ZNF43: variants seen among roughly 807,000 people sequenced by gnomAD.
The protein encoded by ZNF43 is zinc finger protein 39-like 1 (KOX 27).
ZNF43 carries 44 observed loss-of-function variants against 68.4 expected under a neutral mutation model. The observed-to-expected ratio is 0.64, with a 90% CI of 0.51 to 0.83. The LOEUF (loss-of-function observed/expected upper bound fraction) is 0.83, where lower values mean the gene tolerates loss of function less well. ZNF43 is among the 40% of genes least tolerant of loss of function. The pLI, the probability that ZNF43 is intolerant of heterozygous loss-of-function variation, is 0.00. For synonymous variants in ZNF43, 308 were observed against 307.8 expected, an observed-to-expected ratio of 1.00 and a Z score of -0.01; for missense variants, 896 against 933.2, an observed-to-expected ratio of 0.96 and a Z score of 0.52.
In ZNF43 at chr19:21,808,475, C is replaced by T; in HGVS notation, c.1562G>A (p.Trp521Ter). The change falls in exon 4 of 4, where the codon TGG becomes TAG. Residue 521 changes from tryptophan to a stop codon, truncating the protein, a stop_gained. Transcript: ENST00000354959. LOFTEE classifies it high-confidence loss of function. ...KCEECGKAFK[W>*]SSKLTEHKIT... ...CTTATGTTCAGTAAGCTTTGAGGAC[C>T]ACTTAAAAGCTTTGCCACATTCTTC... 6.2e-7 allele frequency: 1 copy of T among 1,603,886 alleles called. No individual in the cohort carries two copies. The highest frequency in any genetic ancestry group is 8.5e-7 in the Non-Finnish European group (1 of 1,177,262).
chr19:21,846,190 A>G (rs895441588), intron 1 of ZNF43, among the ~76,000 whole-genome samples: 2 of 152,164 alleles, frequency 1.3e-5, no homozygotes, highest in African/African-American at 4.8e-5. Flanking sequence ...CACAATCACT[A>G]CAGTGGGCAG....
In ZNF43 at chr19:21,809,577, C is replaced by T; in HGVS notation, c.460G>A (p.Ala154Thr). The T allele has an allele frequency of 6.2e-7, 1 of 1,611,688 alleles. No homozygotes were observed. Among genetic ancestry groups the T allele is most frequent in the South Asian group, 1.1e-5 (1 of 90,800 alleles). ...TTTGAATTTGAAAATTTATGAAAGG[C>T]TTTCACACATTTATCAAATAGAAAT... ...KIFLFDKCVK[A>T]FHKFSNSNRH... is the part of the protein sequence containing the mutation. The change falls in exon 4 of 4, where the codon GCC becomes ACC. Residue 154 changes from alanine (A) to threonine (T), a missense_variant. Coordinates refer to ENST00000354959, the MANE Select transcript of ZNF43 (RefSeq NM_003423.4).
intron 1 of ZNF43, among the ~76,000 whole-genome samples, chr19:21,828,877 C>CA (rs1429784398): frequency 6.6e-6 from 1 of 150,968 alleles, no homozygotes; most frequent in Admixed American, 6.6e-5. Context: ...ACTAAAAATA[C>CA]AAAAAAATAG....
At chr19:21,844,347 CAAAA>C (rs57500822) in intron 1 of ZNF43, among the ~76,000 whole-genome samples, 161 of 43,138 alleles carry the variant, frequency 3.7e-3, no homozygotes, top group African/African-American at 9.1e-3. Flanking sequence ...GACTCTGTCT[CAAAA>C]AAAAAAAAAA....
chr19:21,814,953 C>T (rs897684380), intron 3 of ZNF43, among the ~76,000 whole-genome samples: 5 of 151,456 alleles, frequency 3.3e-5, no homozygotes, highest in African/African-American at 9.7e-5. Context: ...TTTGGGAGGC[C>T]GAGGCAGGCG....
Position 21,836,119 on chromosome 19 carries a change from C to T in ZNF43, c.-81G>A. The T allele has an allele frequency of 6.2e-7, 1 of 1,608,696 alleles. No homozygotes were observed. The highest frequency in any genetic ancestry group is 8.5e-7 in the Non-Finnish European group (1 of 1,176,758). On this transcript the variant is annotated 5_prime_UTR_variant, in exon 1 of 4. Transcript: ENST00000354959. ...GGTCACAGAGCCACAGAGGCTGGACCTCTAGCAGCAGAGGACACAGAAGAA... is the reference window on the plus strand; with the variant it reads ...GGTCACAGAGCCACAGAGGCTGGACTTCTAGCAGCAGAGGACACAGAAGAA...
intron 1 of ZNF43, among the ~76,000 whole-genome samples, chr19:21,834,042 GA>G (rs201440487): frequency 2.3e-4 from 34 of 150,846 alleles, no homozygotes; most frequent in Admixed American, 1.1e-3. Context: ...CGGGGCGGGG[GA>G]AAAAAAAGAG....
At chr19:21,844,102 A>G (rs1031480908) in intron 1 of ZNF43, among the ~76,000 whole-genome samples, 3 of 152,124 alleles carry the variant, frequency 2.0e-5, no homozygotes, top group Admixed American at 2.0e-4. Flanking sequence ...ATTGTATAAA[A>G]CCATGATCGT....
At chr19:21,821,138 ATTTTT>A (rs74174043) in intron 1 of ZNF43, among the ~76,000 whole-genome samples, 1 of 118,560 alleles carries the variant, frequency 8.4e-6, no homozygotes. Context: ...CCCGGCTGTA[ATTTTT>A]TTTTTTTTTT....
intron 1 of ZNF43, among the ~76,000 whole-genome samples, chr19:21,820,414 C>A (rs961047730): frequency 6.6e-6 from 1 of 150,774 alleles, no homozygotes; most frequent in Admixed American, 6.6e-5. Flanking sequence ...CCCGTCTGTA[C>A]TAAAAATACA....
At chr19:21,814,220 T>C (rs1029811435) in intron 3 of ZNF43, among the ~76,000 whole-genome samples, 1 of 152,080 alleles carries the variant, frequency 6.6e-6, no homozygotes, top group African/African-American at 2.4e-5. Context: ...AAAATATACA[T>C]TCATCATTAA....
At position 21,807,161 on chromosome 19, in the gene ZNF43, G is replaced by A. The variant is rs1322759071; in HGVS notation, c.*446C>T. On this transcript the variant is annotated 3_prime_UTR_variant, in exon 4 of 4. Transcript: ENST00000354959. The stretch of plus-strand genomic sequence containing the variant: ...AATTTTCTGATGTTGAACAGTATTT[G>A]AGCAACTGCTTCAGGGTTTTCTTTA... 1 of 152,586 alleles carries A rather than the reference G, an allele frequency of 6.6e-6. No individual in the cohort carries two copies. Among genetic ancestry groups the A allele is most frequent in the Admixed American group, 6.5e-5 (1 of 15,286 alleles). The allele number at this position is 152,586 out of a possible 1,614,324, so 9.5% of individuals were successfully genotyped here.
chr19:21,849,024 GAC>G (rs1968149550), intron 1 of ZNF43, among the ~76,000 whole-genome samples: 1 of 152,152 alleles, frequency 6.6e-6, no homozygotes. Context: ...TTTAACGGTG[GAC>G]TGTGTCTGTG....
At chr19:21,841,763 C>T (rs542424423) in intron 1 of ZNF43, 1 of 152,320 alleles carries the variant, frequency 6.6e-6, no homozygotes, top group South Asian at 2.1e-4. Context: ...CACAATCCTC[C>T]CCTTTTACAG....
At position 21,808,263 on chromosome 19, in the gene ZNF43, T is replaced by G; in HGVS notation, c.1774A>C (p.Lys592Gln). 6.2e-7 allele frequency: 1 copy of G among 1,613,550 alleles called. No homozygotes were observed. Among genetic ancestry groups the G allele is most frequent in the Non-Finnish European group, 8.5e-7 (1 of 1,179,832 alleles). ...TTHKKIHTGE[K>Q]FYKCEECGKA... ...CCACATTCTTCACATTTGTAGAATT[T>G]CTCTCCAGTATGAATTTTCTTATGT... is the stretch of plus-strand genomic sequence containing the variant. The change falls in exon 4 of 4, where the codon AAA becomes CAA. Residue 592 changes from lysine to glutamine, a missense_variant. Lys to Gln is a moderately conservative substitution (Grantham distance 53). Transcript: ENST00000354959.
chr19:21,836,905 C>CA (rs1251842539), upstream of ZNF43, among the ~76,000 whole-genome samples: 1 of 152,090 alleles, frequency 6.6e-6, no homozygotes, highest in Non-Finnish European at 1.5e-5. Context: ...ATTATTTTAT[C>CA]AAAAAATTTT....
chr19:21,822,316 G>A (rs1162753205), intron 1 of ZNF43, among the ~76,000 whole-genome samples: 2 of 37,754 alleles, frequency 5.3e-5, no homozygotes, highest in Non-Finnish European at 1.2e-4. Flanking sequence ...TCTTGTGTAT[G>A]TATCTTGAAC....
chr19:21,833,754 G>A (rs958011019), intron 1 of ZNF43, among the ~76,000 whole-genome samples: 2 of 152,090 alleles, frequency 1.3e-5, no homozygotes, highest in African/African-American at 4.8e-5. Context: ...CTGGCTGGGT[G>A]TGGTGGCTCA....
chr19:21,842,895 G>A (rs1160522720), intron 1 of ZNF43, among the ~76,000 whole-genome samples: 1 of 152,092 alleles, frequency 6.6e-6, no homozygotes, highest in Non-Finnish European at 1.5e-5. Flanking sequence ...CCCCTCTTCT[G>A]TGGTCAGGGC....
Sources: allele counts gnomAD v4.1 joint callset (sites outside exome capture counted in the v4.1 genomes callset), GRCh38; gene constraint gnomAD v4.1.1; transcripts MANE v1.5; gene names NCBI Gene and HGNC (gene_info 2026-07-23, HGNC 2026-07-21).